Variants in PDGFC observed in about 807,000 individuals in gnomAD.
PDGFC encodes platelet-derived growth factor C.
PDGFC carries 12 observed loss-of-function variants against 35.5 expected under a neutral mutation model. That is an observed-to-expected ratio of 0.34 (90% CI 0.22 to 0.55). The LOEUF is 0.55. Among genes scored for constraint, PDGFC ranks in the 20% least tolerant of loss-of-function variants. The probability of loss-of-function intolerance (pLI) is 0.91; values close to 1 mark genes in which losing one functional copy is unlikely to be tolerated. For synonymous variants in PDGFC, 159 were observed against 148.8 expected, an observed-to-expected ratio of 1.07 and a Z score of -0.50; for missense variants, 322 against 412.4, an observed-to-expected ratio of 0.78 and a Z score of 1.90.
chr4:156,945,469 A>G (rs185904866), intron 1 of PDGFC, among the ~76,000 whole-genome samples: 6 of 149,710 alleles, frequency 4.0e-5, no homozygotes, highest in African/African-American at 1.5e-4. Flanking sequence ...GATTTATAAG[A>G]AAAAAGGAAA....
intron 3 of PDGFC, among the ~76,000 whole-genome samples, chr4:156,795,474 A>G (rs1264406923): frequency 6.6e-6 from 1 of 152,154 alleles, no homozygotes; most frequent in Admixed American, 6.5e-5. Context: ...CCAGTTGGCA[A>G]ATCCCTGTTT....
intron 1 of PDGFC, among the ~76,000 whole-genome samples, chr4:156,935,701 G>A (rs556721029): frequency 4.6e-5 from 7 of 152,270 alleles, no homozygotes; most frequent in Admixed American, 2.0e-4. Flanking sequence ...ATCAGCTGAC[G>A]AATATGTTGT....
At chr4:156,888,412 T>C (rs1037155878) in intron 1 of PDGFC, among the ~76,000 whole-genome samples, 1 of 152,224 alleles carries the variant, frequency 6.6e-6, no homozygotes, top group African/African-American at 2.4e-5. Context: ...ACAATTTAAT[T>C]TAGTTTGATG....
intron 3 of PDGFC, among the ~76,000 whole-genome samples, chr4:156,795,565 T>C (rs1393685380): frequency 6.6e-6 from 1 of 152,108 alleles, no homozygotes; most frequent in Non-Finnish European, 1.5e-5. Flanking sequence ...TTTTTATGAT[T>C]CTCCACCTGA....
intron 1 of PDGFC, among the ~76,000 whole-genome samples, chr4:156,885,789 G>T (rs1288789231): frequency 6.6e-6 from 1 of 152,130 alleles, no homozygotes; most frequent in Non-Finnish European, 1.5e-5. Flanking sequence ...GGAGGCTGAG[G>T]TGGGAGAACT....
intron 2 of PDGFC, among the ~76,000 whole-genome samples, chr4:156,845,410 T>C (rs1381056274): frequency 6.6e-6 from 1 of 151,712 alleles, no homozygotes; most frequent in African/African-American, 2.4e-5. Context: ...AGAGAGAAGC[T>C]AGCCATGTGG....
intron 1 of PDGFC, among the ~76,000 whole-genome samples, chr4:156,963,968 T>C (rs1732401431): frequency 6.7e-6 from 1 of 149,056 alleles, no homozygotes; most frequent in Non-Finnish European, 1.5e-5. Flanking sequence ...ATTTATTTTC[T>C]GACGGTCTTG....
intron 1 of PDGFC, among the ~76,000 whole-genome samples, chr4:156,870,763 T>C (rs1423880384): frequency 1.3e-5 from 2 of 152,140 alleles, no homozygotes; most frequent in Admixed American, 1.3e-4. Context: ...TAAAAGTAAC[T>C]AAGTGACTTT....
rs1732590892 is a variant in PDGFC at position 156,971,413 on chromosome 4, A to AC, written c.-511dup. The AC allele has an allele frequency of 7.8e-6, 2 of 257,614 alleles. No individual in the cohort carries two copies. The highest frequency in any genetic ancestry group is 7.2e-6 in the Non-Finnish European group (1 of 139,412). The allele number at this position is 257,614 out of a possible 1,614,324, so 16.0% of individuals were successfully genotyped here. A position where few individuals can be genotyped will look rare whatever the true frequency, so the allele number is the denominator to read the frequency against. Reference sequence around the variant, plus strand: ...TCCGGGCGCCCCTCTCCCCCGCCCCACCCCCCACCCCCGAAGGGGGAGGGG... The same window carrying AC: ...TCCGGGCGCCCCTCTCCCCCGCCCCACCCCCCCACCCCCGAAGGGGGAGGGG... On this transcript the variant is annotated 5_prime_UTR_variant, in exon 1 of 6. Transcript: ENST00000502773.
At chr4:156,827,450 T>A (rs1473546858) in intron 2 of PDGFC, among the ~76,000 whole-genome samples, 3 of 151,974 alleles carry the variant, frequency 2.0e-5, no homozygotes, top group Non-Finnish European at 4.4e-5. Context: ...GATACACTTG[T>A]ACTTCGACAA....
intron 1 of PDGFC, among the ~76,000 whole-genome samples, chr4:156,950,230 T>A (rs1457787716): frequency 2.0e-5 from 3 of 151,866 alleles, no homozygotes; most frequent in African/African-American, 7.2e-5. Flanking sequence ...ATGACATAAA[T>A]GCCCCCTTTC....
intron 1 of PDGFC, among the ~76,000 whole-genome samples, chr4:156,899,644 G>A (rs1409721428): frequency 2.6e-5 from 4 of 152,032 alleles, no homozygotes; most frequent in Admixed American, 6.6e-5. Context: ...GTGAAACCTC[G>A]TCTCTACTAA....
intron 3 of PDGFC, among the ~76,000 whole-genome samples, chr4:156,801,367 T>G (rs1731605254): frequency 6.6e-6 from 1 of 152,210 alleles, no homozygotes; most frequent in African/African-American, 2.4e-5. Context: ...TGCATTAAAC[T>G]CTATCTCCAT....
intron 2 of PDGFC, among the ~76,000 whole-genome samples, chr4:156,824,149 G>A (rs1732354229): frequency 6.6e-6 from 1 of 151,664 alleles, no homozygotes; most frequent in South Asian, 2.1e-4. Context: ...GTAGGAATAA[G>A]TTTTAGTAAC....
intron 3 of PDGFC, among the ~76,000 whole-genome samples, chr4:156,793,536 T>C (rs1257396039): frequency 1.8e-5 from 1 of 55,674 alleles, no homozygotes; most frequent in Non-Finnish European, 3.7e-5. Flanking sequence ...ATTATGTGCA[T>C]ATATATATAT....
intron 1 of PDGFC, among the ~76,000 whole-genome samples, chr4:156,910,741 AGGTGTGT>A (rs1340284364): frequency 6.6e-6 from 1 of 152,098 alleles, no homozygotes; most frequent in Non-Finnish European, 1.5e-5. Flanking sequence ...CCATTCTAAT[AGGTGTGT>A]GGTGCTATCT....
At chr4:156,803,607 G>A (rs775057982) in intron 3 of PDGFC, among the ~76,000 whole-genome samples, 20 of 152,126 alleles carry the variant, frequency 1.3e-4, no homozygotes, top group South Asian at 8.3e-4. Context: ...CAAAAAATTG[G>A]AAGTGCCTGC....
At chr4:156,934,332 T>G (rs537054541) in intron 1 of PDGFC, among the ~76,000 whole-genome samples, 13 of 152,308 alleles carry the variant, frequency 8.5e-5, no homozygotes, top group African/African-American at 2.9e-4. Context: ...AAGTATTATA[T>G]ATCTAAACAT....
chr4:156,971,180 G>T lies in PDGFC; in HGVS notation c.-277C>A. 4.6e-6 allele frequency: 2 copies of T among 437,152 alleles called. No individual in the cohort carries two copies. Among genetic ancestry groups the T allele is most frequent in the Non-Finnish European group, 8.1e-6 (2 of 247,516 alleles). The allele number at this position is 437,152 out of a possible 1,614,324, so 27.1% of individuals were successfully genotyped here. On this transcript the variant is annotated 5_prime_UTR_variant, in exon 1 of 6. Transcript: ENST00000502773. ...ACAAATCCTGAGCTGTGGCGAAGTG[G>T]TGGGGGTGGGGGTGAAGGCGAGGGA...
Sources: allele counts gnomAD v4.1 joint callset (sites outside exome capture counted in the v4.1 genomes callset), GRCh38; gene constraint gnomAD v4.1.1; transcripts MANE v1.5; gene names NCBI Gene and HGNC (gene_info 2026-07-23, HGNC 2026-07-21).